Variants in SDF4 observed in about 807,000 individuals in gnomAD.
SDF4 encodes 45 kDa calcium-binding protein.
A neutral mutation model predicts 34.2 loss-of-function variants in SDF4; 22 were observed. The ratio of observed to expected loss-of-function variants is 0.64; its 90% confidence interval spans 0.46 to 0.92. The LOEUF (loss-of-function observed/expected upper bound fraction) is 0.92, where lower values mean the gene tolerates loss of function less well. Ranked by LOEUF, SDF4 falls within the 40% of genes least tolerant of loss-of-function variation. The pLI, the probability that SDF4 is intolerant of heterozygous loss-of-function variation, is 0.00. For missense variants in SDF4, 447 were observed against 499.9 expected, an observed-to-expected ratio of 0.89 and a Z score of 1.01; for synonymous variants, 236 against 203.1, an observed-to-expected ratio of 1.16 and a Z score of -1.38.
chr1:1,220,376 G>A (rs976696066), intron 4 of SDF4: 74 of 1,141,576 alleles, frequency 6.5e-5, no homozygotes, highest in East Asian at 4.6e-4. Flanking sequence ...GGTCTGAGGC[G>A]CGAGGACAGC....
chr1:1,228,633 T>A lies in SDF4; in HGVS notation c.140A>T (p.Asn47Ile). The A allele has an allele frequency of 6.2e-7, 1 of 1,613,244 alleles. No homozygotes were observed. The highest frequency in any genetic ancestry group is 8.5e-7 in the Non-Finnish European group (1 of 1,180,006). The change falls in exon 2 of 7, where the codon AAT (asparagine) becomes ATT (isoleucine). Residue 47 changes from asparagine to isoleucine, a missense_variant. Transcript: ENST00000360001. ...TRERVANREE[N>I]EILPPDHLNG... ...CAGGTGGTCTGGGGGCAGGATCTCA[T>A]TCTCCTCCCTGTTGGCTACTCTCTC...
intron 4 of SDF4, chr1:1,219,791 G>A (rs903270672): frequency 6.1e-6 from 6 of 985,926 alleles, no homozygotes; most frequent in Non-Finnish European, 7.2e-6. Flanking sequence ...CCAGTGTTGA[G>A]GCCCACACTC....
At chr1:1,219,974 G>A (rs559719430) in intron 4 of SDF4, 141 of 985,572 alleles carry the variant, frequency 1.4e-4, no homozygotes, top group African/African-American at 2.3e-4. Flanking sequence ...CAGGAGTGAC[G>A]GGGCTGTGGT....
rs540513922 is a variant in SDF4, at chr1:1,221,133, G to A, written c.556+2111C>T. 2.9e-4 allele frequency: 77 copies of A among 261,660 alleles called. 1 individual carries two copies. The South Asian group carries it at 3.0e-3, about 10-fold the overall frequency. The allele number at this position is 261,660 out of a possible 1,614,324, so 16.2% of individuals were successfully genotyped here. A position where few individuals can be genotyped will look rare whatever the true frequency, so the allele number is the denominator to read the frequency against. On this transcript the variant is annotated intron_variant, in intron 4 of 6. Coordinates refer to ENST00000360001, the MANE Select transcript of SDF4 (RefSeq NM_016176.6). Reference sequence around the variant, plus strand: ...CAATTTGCAGGATTTAGAACGGACAGGACCAAACTCCAGATAAGAGTACGT... The same window carrying A: ...CAATTTGCAGGATTTAGAACGGACAAGACCAAACTCCAGATAAGAGTACGT...
chr1:1,229,184 CGTG>C (rs905386558), intron 1 of SDF4, among the ~76,000 whole-genome samples: 3 of 152,100 alleles, frequency 2.0e-5, no homozygotes, highest in Admixed American at 6.5e-5. Context: ...CCGGACCACA[CGTG>C]GTGTTTTTTT....
chr1:1,231,069 A>G (rs1638476598), intron 1 of SDF4, among the ~76,000 whole-genome samples: 1 of 152,244 alleles, frequency 6.6e-6, no homozygotes, highest in Non-Finnish European at 1.5e-5. Context: ...AAAAAACAAA[A>G]ACAAAAAGAT....
At position 1,217,889 on chromosome 1, in the gene SDF4, A is replaced by C. The variant is rs561503996; in HGVS notation, c.892-201T>G. On this transcript the variant is annotated intron_variant, in intron 6 of 6. Coordinates refer to ENST00000360001, the MANE Select transcript of SDF4 (RefSeq NM_016176.6). The surrounding 1 kb of genome is among the most constrained non-coding windows in gnomAD (Gnocchi z 8.5). ...GGCCCCGGAAGGCCTGCCCGGGGCC[A>C]GCAGGGGTAACGGGGCACAGGGGCT... The C allele has an allele frequency of 7.5e-4, 1,057 of 1,408,798 alleles. 1 individual carries two copies. Among genetic ancestry groups the C allele is most frequent in the Non-Finnish European group, 9.0e-4 (958 of 1,069,690 alleles). The allele number at this position is 1,408,798 out of a possible 1,614,324, so 87.3% of individuals were successfully genotyped here.
chr1:1,218,558 C>A lies in SDF4; in HGVS notation c.791G>T (p.Gly264Val), dbSNP rs775622103. 14 of 1,614,096 alleles carry A rather than the reference C, an allele frequency of 8.7e-6. No homozygotes were observed. The highest frequency in any genetic ancestry group is 1.2e-5 in the Non-Finnish European group (14 of 1,179,964). Residue 264 changes from glycine to valine, a missense_variant, in exon 6 of 7, where the codon GGC (glycine) becomes GTC (valine). Transcript: ENST00000360001. The surrounding 1 kb of genome is among the most constrained non-coding windows in gnomAD (Gnocchi z 7.9). The stretch of plus-strand genomic sequence containing the variant: ...CACCCAGTTGTCGTCAATGTCCTGG[C>A]CCTGCTGGTTCTCCACGGTGCCCAC... Reference protein sequence around the residue: ...LPVGTVENQQGQDIDDNWVKD... With the variant: ...LPVGTVENQQVQDIDDNWVKD...
intron 2 of SDF4, among the ~76,000 whole-genome samples, chr1:1,227,036 G>A (rs1019872609): frequency 6.6e-6 from 1 of 152,174 alleles, no homozygotes; most frequent in African/African-American, 2.4e-5. Flanking sequence ...AGGTGCAAGG[G>A]GACACCACAC....
chr1:1,225,485 G>T (rs1557519566), intron 2 of SDF4, among the ~76,000 whole-genome samples: 1 of 152,226 alleles, frequency 6.6e-6, no homozygotes, highest in Admixed American at 6.5e-5. Context: ...ATGGAAGAAG[G>T]CCAGGCTGCC....
At position 1,221,548 on chromosome 1, in the gene SDF4, G is replaced by A. The variant is rs547251234; in HGVS notation, c.556+1696C>T. ...CTTTATTTTTCTGTCCTCCAAGGAG[G>A]ATAGATTGAGCCCAGGATGTGGAGG... On this transcript the variant is annotated intron_variant, in intron 4 of 6. Transcript: ENST00000360001. Among the ~76,000 whole-genome samples, 8 of 152,150 alleles carry A rather than the reference G, an allele frequency of 5.3e-5. No individual in the cohort carries two copies. In the South Asian group the frequency reaches 1.5e-3, roughly 28 times the overall value.
At position 1,217,912 on chromosome 1, in the gene SDF4, G is replaced by A. The variant is rs1240963362; in HGVS notation, c.892-224C>T. 2.4e-6 allele frequency: 3 copies of A among 1,251,800 alleles called. No individual in the cohort carries two copies. The highest frequency in any genetic ancestry group is 1.6e-5 in the South Asian group (1 of 64,036). 77.5% of individuals were successfully genotyped at this position (1,251,800 alleles called of 1,614,324 possible). On this transcript the variant is annotated intron_variant, in intron 6 of 6. Coordinates refer to ENST00000360001, the MANE Select transcript of SDF4 (RefSeq NM_016176.6). This position sits in a 1 kb window ranked among gnomAD's most constrained non-coding sequence, Gnocchi z 8.5. ...CCAGCAGGGGTAACGGGGCACAGGG[G>A]CTACACAGGCCTGGACCCCAGTTCT...
In SDF4 at chr1:1,218,785, C is replaced by T. The variant is rs755387247; in HGVS notation, c.699G>A (p.Glu233=). The change falls in exon 5 of 7, where the codon GAG becomes GAA. Residue 233 remains glutamate (E), a synonymous_variant. Transcript: ENST00000360001. This position sits in a 1 kb window ranked among gnomAD's most constrained non-coding sequence, Gnocchi z 7.9. Reference sequence around the variant, plus strand: ...CAGCCTCACCCAGGTCCCGGACGATCTCCTTCACCATGAACCTGAGCATTC... The same window carrying T: ...CAGCCTCACCCAGGTCCCGGACGATTTCCTTCACCATGAACCTGAGCATTC... ...SRGMLRFMVK[E]IVRDLDQDGD... The T allele has an allele frequency of 9.3e-6, 15 of 1,612,068 alleles. No individual in the cohort carries two copies. Among genetic ancestry groups the T allele is most frequent in the Non-Finnish European group, 1.2e-5 (14 of 1,179,028 alleles).
At chr1:1,224,848 G>A (rs111687790) in intron 2 of SDF4, among the ~76,000 whole-genome samples, 14 of 152,224 alleles carry the variant, frequency 9.2e-5, no homozygotes, top group Non-Finnish European at 1.9e-4. Flanking sequence ...GGAATGCGAA[G>A]GTTGCAGTGA....
Position 1,228,431 on chromosome 1 carries a change from G to A in SDF4, c.305+37C>T, listed in dbSNP as rs562016397. ...TAGGAACACACAGGCGAGCGCACGC[G>A]GACAGCCCCCCAGTCTGGGCACATG... On this transcript the variant is annotated intron_variant, in intron 2 of 6. Transcript: ENST00000360001. 565 of 1,559,304 alleles carry A rather than the reference G, an allele frequency of 3.6e-4. 2 individuals are homozygous for A. In the African/African-American group the frequency reaches 4.1e-3, roughly 11 times the overall value.
rs950653640 is a variant in SDF4, at chr1:1,216,995, T to C, written c.*517A>G. The C allele has an allele frequency of 1.3e-5, 2 of 152,232 alleles. No homozygotes were observed. Among genetic ancestry groups the C allele is most frequent in the African/African-American group, 4.8e-5 (2 of 41,460 alleles). The allele number at this position is 152,232 out of a possible 1,614,324, so 9.4% of individuals were successfully genotyped here. ...ATATTTGCATTTTCTCAGCGGCAGC[T>C]GCGGGACCTGGGTGGCTCCGACACG... On this transcript the variant is annotated 3_prime_UTR_variant, in exon 7 of 7. Transcript: ENST00000360001.
Position 1,228,928 on chromosome 1 carries a change from G to C in SDF4, c.-156C>G. ...GTGTCCCCAGGACGGCCGCAGGATG[G>C]GGACAAGCAGCTCACAGTCTGCAGA... On this transcript the variant is annotated 5_prime_UTR_variant, in exon 2 of 7. Coordinates refer to ENST00000360001, the MANE Select transcript of SDF4 (RefSeq NM_016176.6). 1 of 639,890 alleles carries C rather than the reference G, an allele frequency of 1.6e-6. No homozygotes were observed. The highest frequency in any genetic ancestry group is 1.8e-5 in the African/African-American group (1 of 54,776). The allele number at this position is 639,890 out of a possible 1,614,324, so 39.6% of individuals were successfully genotyped here.
chr1:1,222,584 C>T (rs1193709549), intron 4 of SDF4, among the ~76,000 whole-genome samples: 1 of 152,292 alleles, frequency 6.6e-6, no homozygotes, highest in African/African-American at 2.4e-5. Flanking sequence ...ACAGGCTGTG[C>T]CCTCTCCCCA....
At chr1:1,222,641 C>T (rs111287045) in intron 4 of SDF4, among the ~76,000 whole-genome samples, 3 of 152,280 alleles carry the variant, frequency 2.0e-5, no homozygotes. Context: ...CAGGCCCCAA[C>T]CCAGACTCAC....
Sources: gnomAD v4.1 joint callset for allele counts (sites outside exome capture counted in the v4.1 genomes callset) on GRCh38, gnomAD v4.1.1 for gene constraint, Gnocchi (gnomAD v3.1) non-coding constraint, MANE v1.5 for transcripts, NCBI Gene and HGNC (gene_info 2026-07-23, HGNC 2026-07-21) for gene names.